The following FBXO34 variants were observed in gnomAD, a reference collection of about 807,000 sequenced individuals.
FBXO34 encodes F-box only protein 34.
Under a neutral mutation model 24.5 loss-of-function variants are expected in FBXO34, and 12 were observed. That is an observed-to-expected ratio of 0.49 (90% CI 0.31 to 0.79). The LOEUF (loss-of-function observed/expected upper bound fraction) is 0.79. Among genes scored for constraint, FBXO34 ranks in the 30% least tolerant of loss-of-function variants. The pLI is 0.04. For missense variants in FBXO34, 823 were observed against 857.7 expected (o/e 0.96, Z 0.51); for synonymous variants, 320 against 311.9 (o/e 1.03, Z -0.27).
rs1491370677 is a variant in FBXO34 at position 55,323,226 on chromosome 14, T to TATATATA, written c.-10-27155_-10-27154insATATATA. 2.1e-3 allele frequency among the ~76,000 whole-genome samples: 44 copies of TATATATA among 20,516 alleles called. 1 individual carries two copies. Among genetic ancestry groups the TATATATA allele is most frequent in the South Asian group, 0.012 (5 of 432 alleles). 13.5% of individuals were successfully genotyped at this position (20,516 alleles called of 152,430 possible). On this transcript the variant is annotated intron_variant, in intron 1 of 1. Transcript: ENST00000313833. ...AAAAAAAAAAAAAAAAAAATATATA[T>TATATATA]TTTTTTTTTTTTTTTTTTTTTTAGA...
At chr14:55,425,551 T>G in the FBXO34 span, among the ~76,000 whole-genome samples, 2 of 152,242 alleles carry the variant, frequency 1.3e-5, no homozygotes, top group Admixed American at 1.3e-4. Context: ...CTCTGCCTCA[T>G]TCCAAAAGAA....
intron 1 of FBXO34, chr14:55,339,319 T>C (rs1346980978): frequency 6.6e-6 from 1 of 151,744 alleles, no homozygotes; most frequent in East Asian, 1.9e-4. Flanking sequence ...TTAAGTAATA[T>C]ATACTGACAT....
chr14:55,288,189 A>G (rs1012202637), intron 1 of FBXO34, among the ~76,000 whole-genome samples: 2 of 152,204 alleles, frequency 1.3e-5, no homozygotes, highest in South Asian at 4.1e-4. Flanking sequence ...CATGACCTCT[A>G]CCTTATGATG....
chr14:55,320,869 G>T lies in FBXO34; in HGVS notation c.-10-29512G>T, dbSNP rs533887718. On this transcript the variant is annotated intron_variant, in intron 1 of 1. Coordinates refer to ENST00000313833, the MANE Select transcript of FBXO34 (RefSeq NM_017943.4). ...GATACTGTTGAGATAGCAGATGGCT[G>T]TTATAAAATGGGAACATGTCAGCTG... Among the ~76,000 whole-genome samples, 8 of 152,316 alleles carry T rather than the reference G, an allele frequency of 5.3e-5. No individual in the cohort carries two copies. The South Asian group carries it at 1.7e-3, about 32-fold the overall frequency.
At chr14:55,435,132 C>A in the FBXO34 span, among the ~76,000 whole-genome samples, 3 of 152,164 alleles carry the variant, frequency 2.0e-5, no homozygotes, top group Non-Finnish European at 2.9e-5. Context: ...GAACTTTATA[C>A]TTTAAGCAGT....
chr14:55,369,784 C>T (rs749750975), downstream of FBXO34: 5 of 1,614,082 alleles, frequency 3.1e-6, no homozygotes, highest in Middle Eastern at 1.6e-4. Context: ...GGGGACTAGG[C>T]AAGTTCTCCC....
At chr14:55,311,211 C>T (rs938434331) in intron 1 of FBXO34, among the ~76,000 whole-genome samples, 1 of 152,122 alleles carries the variant, frequency 6.6e-6, no homozygotes. Flanking sequence ...GGAGAAGGAA[C>T]ACAGGAGGAA....
chr14:55,438,180 A>T, the FBXO34 span, among the ~76,000 whole-genome samples: 1 of 152,192 alleles, frequency 6.6e-6, no homozygotes, highest in Non-Finnish European at 1.5e-5. Context: ...AGGGTCAGGA[A>T]TGCACCGTGT....
chr14:55,296,928 A>C (rs937355007), intron 1 of FBXO34, among the ~76,000 whole-genome samples: 1 of 152,182 alleles, frequency 6.6e-6, no homozygotes, highest in Admixed American at 6.5e-5. Flanking sequence ...AAGGAGCTTC[A>C]GACTGTACCT....
chr14:55,410,520 GTT>G, the FBXO34 span, among the ~76,000 whole-genome samples: 1 of 152,294 alleles, frequency 6.6e-6, no homozygotes, highest in South Asian at 2.1e-4. Context: ...CTAAAAAAGA[GTT>G]TGTCATTCAA....
At chr14:55,348,279 A>G (rs1884225097) in intron 1 of FBXO34, among the ~76,000 whole-genome samples, 1 of 152,010 alleles carries the variant, frequency 6.6e-6, no homozygotes, top group Non-Finnish European at 1.5e-5. Context: ...CCCAGGCTAG[A>G]GTATAGCAGT....
the FBXO34 span, among the ~76,000 whole-genome samples, chr14:55,376,642 G>A: frequency 6.6e-6 from 1 of 152,186 alleles, no homozygotes; most frequent in East Asian, 1.9e-4. Context: ...GGGAAGCCAG[G>A]CACACGTGTT....
At chr14:55,355,109 G>A (rs1884501096), downstream of FBXO34, 1 of 152,316 alleles carries the variant, frequency 6.6e-6, no homozygotes, top group Non-Finnish European at 1.5e-5. Context: ...AGGGAAACTA[G>A]AGGAGGAGTC....
At chr14:55,349,831 T>C (rs1475894465) in intron 1 of FBXO34, among the ~76,000 whole-genome samples, 1 of 152,018 alleles carries the variant, frequency 6.6e-6, no homozygotes, top group Non-Finnish European at 1.5e-5. Context: ...GGTCTTCAAC[T>C]CCTGTCCCCA....
the FBXO34 span, chr14:55,411,573 A>G: frequency 1.3e-6 from 2 of 1,581,676 alleles, no homozygotes; most frequent in Non-Finnish European, 8.6e-7. Flanking sequence ...ACAGCAGAAG[A>G]AACAATAGGG....
At chr14:55,315,920 C>T (rs1196332709) in intron 1 of FBXO34, among the ~76,000 whole-genome samples, 1 of 152,092 alleles carries the variant, frequency 6.6e-6, no homozygotes, top group Non-Finnish European at 1.5e-5. Context: ...ATGACTTTCT[C>T]CCCTCCTTTT....
chr14:55,422,797 G>C, the FBXO34 span, among the ~76,000 whole-genome samples: 8 of 152,126 alleles, frequency 5.3e-5, no homozygotes, highest in Non-Finnish European at 1.0e-4. Context: ...AGGTTGCAGT[G>C]AGCTGAGATC....
intron 1 of FBXO34, among the ~76,000 whole-genome samples, chr14:55,302,661 T>C (rs769607027): frequency 9.2e-5 from 14 of 151,794 alleles, no homozygotes; most frequent in Non-Finnish European, 2.1e-4. Flanking sequence ...AAACTCTCTT[T>C]AGTAGCTATT....
At chr14:55,436,571 G>A in the FBXO34 span, 1 of 1,613,714 alleles carries the variant, frequency 6.2e-7, no homozygotes, top group Non-Finnish European at 8.5e-7. Flanking sequence ...TGTAGTTGAG[G>A]TACAATTCCA....
Sources: allele counts gnomAD v4.1 joint callset (sites outside exome capture counted in the v4.1 genomes callset), GRCh38; gene constraint gnomAD v4.1.1; transcripts MANE v1.5; gene names NCBI Gene and HGNC (gene_info 2026-07-23, HGNC 2026-07-21).